The following GAK variants were observed in gnomAD, a reference collection of about 807,000 sequenced individuals.
GAK encodes cyclin G associated kinase.
Under a neutral mutation model 143.9 loss-of-function variants are expected in GAK, and 79 were observed. That is an observed-to-expected ratio of 0.55 (90% CI 0.46 to 0.66). The LOEUF is 0.66. Ranked by LOEUF, GAK falls within the 30% of genes least tolerant of loss-of-function variation. The pLI is 0.00. For synonymous variants in GAK, 881 were observed against 765.5 expected, an observed-to-expected ratio of 1.15 and a Z score of -2.49; for missense variants, 1,693 against 1,779.7, an observed-to-expected ratio of 0.95 and a Z score of 0.88.
At chr4:885,757 C>T (rs1290332518) in intron 11 of GAK, 8 of 142,224 alleles carry the variant, frequency 5.6e-5, no homozygotes, top group African/African-American at 1.8e-4. Context: ...AATGAATTCA[C>T]TGTCCTTTTT....
chr4:913,355 A>G (rs1722375338), intron 2 of GAK, among the ~76,000 whole-genome samples: 1 of 152,178 alleles, frequency 6.6e-6, no homozygotes, highest in Non-Finnish European at 1.5e-5. Flanking sequence ...TGACCCCACC[A>G]TGAGGTCACC....
At chr4:907,994 C>T (rs760602043) in intron 4 of GAK, among the ~76,000 whole-genome samples, 20 of 152,250 alleles carry the variant, frequency 1.3e-4, no homozygotes, top group African/African-American at 2.2e-4. Flanking sequence ...GCCCTGTCCC[C>T]GCCGCTCCCT....
chr4:877,469 C>A, intron 16 of GAK, 146 bp downstream of exon 16: 3 of 835,104 alleles, frequency 3.6e-6, no homozygotes, highest in Non-Finnish European at 5.5e-6. Context: ...TGACCAGGAT[C>A]CCAAGTGACC....
chr4:897,134 C>T (rs536580908), intron 6 of GAK, among the ~76,000 whole-genome samples: 12 of 152,226 alleles, frequency 7.9e-5, no homozygotes, highest in South Asian at 4.1e-4. Context: ...AGGCTGGGGC[C>T]GCAGAGCTGT....
rs1724757990 is a variant in GAK at position 926,439 on chromosome 4, C to A, written c.145+5604G>T. 2.6e-5 allele frequency among the ~76,000 whole-genome samples: 4 copies of A among 152,304 alleles called. No homozygotes were observed. In the East Asian group the frequency reaches 7.7e-4, roughly 29 times the overall value. On this transcript the variant is annotated intron_variant, in intron 1 of 27. Transcript: ENST00000314167. ...AGGACACCTCCCTGGGGCTCCCAGC[C>A]CCCACTCCACCACTCGACCTCTGGC... is the stretch of plus-strand genomic sequence containing the variant.
In GAK at chr4:867,285, T is replaced by A. The variant is rs373942194; in HGVS notation, c.2543A>T (p.Glu848Val). 2.5e-5 allele frequency: 40 copies of A among 1,612,734 alleles called. No homozygotes were observed. The highest frequency in any genetic ancestry group is 3.3e-5 in the Non-Finnish European group (39 of 1,179,468). The stretch of plus-strand genomic sequence containing the variant: ...CAGCCCTGCTGCCAGGCCGGGGGGC[T>A]CTGGGTCGGCCCTGGGTTCCTGGCC... ...SEGQEPRADP[E>V]PPGLAAGLVQ... The change falls in exon 21 of 28, where the codon GAG becomes GTG. Residue 848 changes from glutamate to valine, a missense_variant. By Grantham distance (121) the Glu-to-Val change is moderately radical. Around this residue, in one of 2 missense-constraint regions of GAK, gnomAD observed 822 missense variants for 788.7 expected, o/e 1.04. Transcript: ENST00000314167.
At chr4:903,773 C>T (rs754122692) in intron 5 of GAK, among the ~76,000 whole-genome samples, 2 of 151,336 alleles carry the variant, frequency 1.3e-5, no homozygotes, top group African/African-American at 4.9e-5. Context: ...ACACCACCGG[C>T]GGGCACCCTC....
intron 27 of GAK, 58 bp downstream of exon 27, chr4:849,834 A>C (rs1019769014): frequency 5.7e-3 from 5,375 of 944,452 alleles, no homozygotes; most frequent in African/African-American, 0.021. Flanking sequence ...GCGGGGCAGG[A>C]CCCCCCCCCC....
Position 899,559 on chromosome 4 carries a change from G to A in GAK, c.526-1401C>T, listed in dbSNP as rs533300140. Among the ~76,000 whole-genome samples, 44 of 152,118 alleles carry A rather than the reference G, an allele frequency of 2.9e-4. 1 individual carries two copies. The highest frequency in any genetic ancestry group is 2.1e-4 in the South Asian group (1 of 4,818). ...TCGAGGAAAGGCAGGCATTTTCCCA[G>A]AGGAAGCCCAAGTTCTGATAAGCCA... On this transcript the variant is annotated intron_variant, in intron 5 of 27. Transcript: ENST00000314167.
intron 13 of GAK, 67 bp from the exon 14 acceptor site, chr4:882,886 G>A: frequency 6.3e-7 from 1 of 1,577,676 alleles, no homozygotes; most frequent in Non-Finnish European, 8.6e-7. Flanking sequence ...TCAGCTAGGA[G>A]GGACAGCCTG....
intron 20 of GAK, among the ~76,000 whole-genome samples, chr4:867,684 G>A (rs1751467320): frequency 6.8e-6 from 1 of 146,900 alleles, no homozygotes; most frequent in Non-Finnish European, 1.5e-5. Flanking sequence ...GGCAAGTGCT[G>A]CAGGAACACC....
intron 14 of GAK, 57 bp downstream of exon 14, chr4:882,638 ATG>A: frequency 6.3e-7 from 1 of 1,589,450 alleles, no homozygotes. Flanking sequence ...CTGTTGAACT[ATG>A]CATGAAATAA....
At chr4:877,552 T>C (rs1714203979) in intron 16 of GAK, 63 bp downstream of exon 16, 12 of 1,497,028 alleles carry the variant, frequency 8.0e-6, no homozygotes, top group Non-Finnish European at 9.0e-6. Context: ...AGGGTTCCTC[T>C]TTAACGGTTT....
intron 19 of GAK, 92 bp downstream of exon 19, chr4:870,619 G>T: frequency 7.3e-7 from 1 of 1,371,872 alleles, no homozygotes; most frequent in Non-Finnish European, 1.0e-6. Context: ...CAGGCGTGGG[G>T]CCCAGCCCTG....
intron 17 of GAK, among the ~76,000 whole-genome samples, 192 bp from the exon 18 acceptor site, chr4:876,801 G>T (rs1041142526): frequency 6.6e-6 from 1 of 152,230 alleles, no homozygotes; most frequent in South Asian, 2.1e-4. Flanking sequence ...TGAGGAGAAC[G>T]CATGGGCCCA....
At chr4:881,369 G>T (rs1715068513) in intron 15 of GAK, among the ~76,000 whole-genome samples, 1 of 152,188 alleles carries the variant, frequency 6.6e-6, no homozygotes, top group Non-Finnish European at 1.5e-5. Context: ...GACTCCTCGG[G>T]CGTGGACACC....
intron 5 of GAK, among the ~76,000 whole-genome samples, chr4:903,698 C>CGG (rs1553889753): frequency 2.7e-4 from 24 of 90,402 alleles, no homozygotes; most frequent in African/African-American, 9.1e-4. Flanking sequence ...GTGACACCAC[C>CGG]GGGGGGCGGT....
chr4:869,399 T>C (rs1711903574), intron 19 of GAK: 1 of 130,146 alleles, frequency 7.7e-6, no homozygotes, highest in African/African-American at 3.1e-5. Context: ...CACACACAGA[T>C]GCACGGTACA....
chr4:907,653 G>T (rs1038750114), intron 4 of GAK, among the ~76,000 whole-genome samples: 2 of 152,246 alleles, frequency 1.3e-5, no homozygotes, highest in Non-Finnish European at 2.9e-5. Context: ...CACTGGAGGG[G>T]TTGCCTCATG....
Sources: allele counts gnomAD v4.1 joint callset (sites outside exome capture counted in the v4.1 genomes callset), GRCh38; gene constraint gnomAD v4.1.1; regional missense constraint gnomAD v4.1.1; transcripts MANE v1.5; gene names NCBI Gene and HGNC (gene_info 2026-07-23, HGNC 2026-07-21).